Variants in DZIP3 observed in about 807,000 individuals in gnomAD.
DZIP3 encodes DAZ interacting zinc finger protein 3.
A neutral mutation model predicts 162.0 loss-of-function variants in DZIP3; 118 were observed. The ratio of observed to expected loss-of-function variants is 0.73; its 90% CI spans 0.63 to 0.85. The LOEUF (loss-of-function observed/expected upper bound fraction) is 0.85. Ranked by LOEUF, DZIP3 falls within the 40% of genes least tolerant of loss-of-function variation. DZIP3 has a pLI of 0.00. For synonymous variants in DZIP3, 438 were observed against 458.6 expected (o/e 0.96, Z 0.57); for missense variants, 1,331 against 1,407.0 (o/e 0.95, Z 0.86).
rs1193601147 is a variant in DZIP3, at chr3:108,654,227, G to A, written c.2116G>A (p.Ala706Thr). 2.5e-6 allele frequency: 4 copies of A among 1,613,688 alleles called. No individual in the cohort carries two copies. The highest frequency in any genetic ancestry group is 1.1e-5 in the South Asian group (1 of 91,084). ...HSVSRLIKDD[A>T]SDVQEDSAME... Reference sequence around the variant, plus strand: ...AGTCAGTAGACTTATAAAAGATGATGCAAGTGATGTTCAAGAGGATTCTGC... The same window carrying A: ...AGTCAGTAGACTTATAAAAGATGATACAAGTGATGTTCAAGAGGATTCTGC... Residue 706 changes from alanine (A) to threonine (T), a missense_variant, in exon 19 of 33, where the codon GCA (alanine) becomes ACA (threonine). By Grantham distance (58) the Ala-to-Thr change is moderately conservative (BLOSUM62 0). This residue lies in a region of DZIP3 where 1,278 missense variants were observed against 1,317.1 expected (regional missense o/e 0.97). Coordinates refer to ENST00000361582, the MANE Select transcript of DZIP3 (RefSeq NM_014648.4).
intron 10 of DZIP3, among the ~76,000 whole-genome samples, chr3:108,635,535 T>C (rs1445122077): frequency 6.8e-6 from 1 of 147,634 alleles, no homozygotes; most frequent in East Asian, 1.9e-4. Flanking sequence ...ATAATAGTTA[T>C]AATTATATAA....
intron 9 of DZIP3, among the ~76,000 whole-genome samples, chr3:108,633,800 T>G (rs1942002085): frequency 1.1e-5 from 1 of 89,360 alleles, no homozygotes; most frequent in Non-Finnish European, 2.3e-5. Flanking sequence ...CTGATAGATC[T>G]CTCTCTCTCT....
Position 108,644,488 on chromosome 3 carries a change from T to G in DZIP3, c.1466T>G (p.Met489Arg). 1 of 1,614,094 alleles carries G rather than the reference T, an allele frequency of 6.2e-7. No individual in the cohort carries two copies. The highest frequency in any genetic ancestry group is 1.7e-5 in the Admixed American group (1 of 60,006). Residue 489 changes from methionine to arginine, a missense_variant, in exon 14 of 33, where the codon ATG becomes AGG. Transcript: ENST00000361582. Reference protein sequence around the residue: ...VFPAPKKGWNMEPPSSDISKS... With the variant: ...VFPAPKKGWNREPPSSDISKS... The stretch of plus-strand genomic sequence containing the variant: ...CCTGCACCCAAAAAAGGATGGAATA[T>G]GGAACCGCCATCTTCTGACATCTCT...
chr3:108,623,556 A>G (rs1449112134), intron 5 of DZIP3, among the ~76,000 whole-genome samples: 2 of 152,196 alleles, frequency 1.3e-5, no homozygotes, highest in African/African-American at 2.4e-5. Context: ...CCTCTGCTCA[A>G]GCAGAGGGAA....
intron 1 of DZIP3, among the ~76,000 whole-genome samples, chr3:108,602,314 A>G (rs919102847): frequency 1.6e-4 from 25 of 152,220 alleles, no homozygotes; most frequent in Admixed American, 6.5e-4. Context: ...TAAGAGGGAA[A>G]GTAGGAACTG....
At chr3:108,688,291 C>A (rs553350087) in intron 29 of DZIP3, among the ~76,000 whole-genome samples, 195 bp downstream of exon 29, 4 of 152,288 alleles carry the variant, frequency 2.6e-5, no homozygotes, top group African/African-American at 9.6e-5. Context: ...GTTACCTAAT[C>A]ATTCTAGAAT....
chr3:108,640,001 G>T (rs573851782), intron 12 of DZIP3, among the ~76,000 whole-genome samples: 1 of 151,646 alleles, frequency 6.6e-6, no homozygotes, highest in African/African-American at 2.4e-5. Context: ...TTCTAGTTTT[G>T]TGTGTGTGTG....
At chr3:108,603,440 G>A (rs1048447023) in intron 1 of DZIP3, among the ~76,000 whole-genome samples, 1 of 152,084 alleles carries the variant, frequency 6.6e-6, no homozygotes. Context: ...GCTGTAGTTT[G>A]TATCTTTCAT....
chr3:108,644,558 C>T lies in DZIP3; in HGVS notation c.1536C>T (p.Leu512=). ...ILRLCKYRDI[L]LSEILMNGLT... ...GACTGTGCAAATACAGGGATATCCT[C>T]CTTAGTGAGATTTTGATGAATGGTC... is the stretch of plus-strand genomic sequence containing the variant. Residue 512 remains leucine, a synonymous_variant, in exon 14 of 33, where the codon CTC becomes CTT. Transcript: ENST00000361582. 3 of 1,614,096 alleles carry T rather than the reference C, an allele frequency of 1.9e-6. No individual in the cohort carries two copies. The highest frequency in any genetic ancestry group is 2.2e-5 in the East Asian group (1 of 44,874).
rs958533387 is a variant in DZIP3 at position 108,604,978 on chromosome 3, A to G, written c.-72-357A>G. Among the ~76,000 whole-genome samples the G allele has an allele frequency of 3.9e-5, 6 of 152,356 alleles. No homozygotes were observed. The East Asian group carries it at 9.6e-4, about 24-fold the overall frequency. Reference sequence around the variant, plus strand: ...AAAATGGGAAATTAAATGACCAACTATAAGGAAATGGCCAAGGAAATCCCA... The same window carrying G: ...AAAATGGGAAATTAAATGACCAACTGTAAGGAAATGGCCAAGGAAATCCCA... On this transcript the variant is annotated intron_variant, in intron 1 of 32. Coordinates refer to ENST00000361582, the MANE Select transcript of DZIP3 (RefSeq NM_014648.4).
intron 26 of DZIP3, among the ~76,000 whole-genome samples, chr3:108,678,450 A>G (rs982052828): frequency 6.6e-6 from 1 of 151,984 alleles, no homozygotes; most frequent in African/African-American, 2.4e-5. Flanking sequence ...AAACATCTCA[A>G]TGTAATACCC....
intron 12 of DZIP3, among the ~76,000 whole-genome samples, chr3:108,637,983 T>C (rs1361328323): frequency 1.5e-4 from 23 of 152,172 alleles, no homozygotes; most frequent in Non-Finnish European, 1.5e-5. Context: ...GTGTTGCTAC[T>C]GAAGTTAGAA....
chr3:108,689,215 G>A (rs572713913), intron 31 of DZIP3, among the ~76,000 whole-genome samples: 8 of 152,344 alleles, frequency 5.3e-5, no homozygotes, highest in Middle Eastern at 3.4e-3. Context: ...GTCGATTGAC[G>A]TGGTAGTTTA....
chr3:108,607,978 C>T, intron 2 of DZIP3, 111 bp from the exon 3 acceptor site: 2 of 888,292 alleles, frequency 2.3e-6, no homozygotes, highest in Non-Finnish European at 3.7e-6. Context: ...GTCTTTGATA[C>T]ATTTTGGTTA....
intron 32 of DZIP3, among the ~76,000 whole-genome samples, chr3:108,692,073 C>T (rs1944718940): frequency 6.6e-6 from 1 of 152,036 alleles, no homozygotes; most frequent in Non-Finnish European, 1.5e-5. Context: ...GTTTAATTTG[C>T]AGGCTCCTAT....
At chr3:108,628,209 A>G (rs942576824) in intron 7 of DZIP3, among the ~76,000 whole-genome samples, 6 of 152,160 alleles carry the variant, frequency 3.9e-5, no homozygotes, top group Admixed American at 2.6e-4. Context: ...GAAGGGCATC[A>G]TCTTTTGAGA....
chr3:108,662,081 T>G (rs762905960), intron 20 of DZIP3, 49 bp from the exon 21 acceptor site: 1 of 1,568,502 alleles, frequency 6.4e-7, no homozygotes. Flanking sequence ...TCTTTCAATT[T>G]CTGGTGACTT....
At chr3:108,626,292 A>G (rs1042352565) in intron 7 of DZIP3, among the ~76,000 whole-genome samples, 1 of 152,130 alleles carries the variant, frequency 6.6e-6, no homozygotes, top group African/African-American at 2.4e-5. Context: ...TTTTTTTCTT[A>G]TCTCTAAAAT....
At chr3:108,671,454 G>GA (rs1943924453) in intron 22 of DZIP3, among the ~76,000 whole-genome samples, 1 of 151,772 alleles carries the variant, frequency 6.6e-6, no homozygotes, top group African/African-American at 2.4e-5. Flanking sequence ...TCAAGTGTAG[G>GA]AAGCTGAGAT....
Sources: allele counts gnomAD v4.1 joint callset (sites outside exome capture counted in the v4.1 genomes callset), GRCh38; gene constraint gnomAD v4.1.1; regional missense constraint gnomAD v4.1.1; transcripts MANE v1.5; gene names NCBI Gene and HGNC (gene_info 2026-07-23, HGNC 2026-07-21).